Variants in ARHGEF7 observed in about 807,000 individuals in gnomAD.
ARHGEF7 encodes the protein PAK-interacting exchange factor beta.
A neutral mutation model predicts 109.8 loss-of-function variants in ARHGEF7; 33 were observed. The ratio of observed to expected loss-of-function variants is 0.30; its 90% CI spans 0.23 to 0.40. The LOEUF (loss-of-function observed/expected upper bound fraction) is 0.40, where lower values mean the gene tolerates loss of function less well. Among genes scored for constraint, ARHGEF7 ranks in the 10% least tolerant of loss-of-function variants. The pLI, the probability that ARHGEF7 is intolerant of heterozygous loss-of-function variation, is 1.00. For synonymous variants in ARHGEF7, 458 were observed against 424.6 expected, an observed-to-expected ratio of 1.08 and a Z score of -0.97; for missense variants, 938 against 1,098.5, an observed-to-expected ratio of 0.85 and a Z score of 2.07.
At position 111,283,369 on chromosome 13, in the gene ARHGEF7, G is replaced by A. The variant is rs776515686; in HGVS notation, c.1950+6G>A. Reference sequence around the variant, plus strand: ...CTGCTCTCTGCTACAAGGAGGTGAGGTCCCTTGACCACTCAAACAGCCAGA... The same window carrying A: ...CTGCTCTCTGCTACAAGGAGGTGAGATCCCTTGACCACTCAAACAGCCAGA... On this transcript the variant is annotated splice_donor_region_variant and intron_variant, in intron 16 of 21. Transcript: ENST00000646102. 6.5e-7 allele frequency: 1 copy of A among 1,540,964 alleles called. No individual in the cohort carries two copies. Among genetic ancestry groups the A allele is most frequent in the Non-Finnish European group, 8.7e-7 (1 of 1,147,388 alleles).
intron 2 of ARHGEF7, among the ~76,000 whole-genome samples, chr13:111,157,814 G>C (rs548995485): frequency 6.6e-6 from 1 of 152,294 alleles, no homozygotes; most frequent in South Asian, 2.1e-4. Flanking sequence ...GCACATGCTT[G>C]TTCACTGAAA....
At chr13:111,115,890 CCGGGGAGCGGGGT>C (rs945839741) in intron 1 of ARHGEF7, among the ~76,000 whole-genome samples, 199 bp downstream of exon 1, 48 of 137,704 alleles carry the variant, frequency 3.5e-4, no homozygotes, top group African/African-American at 1.2e-3. Flanking sequence ...GGGGAGGGGG[CCGGGGAGCGGGGT>C]CGGGGGGAGG....
chr13:111,130,254 T>C (rs1258983683), intron 1 of ARHGEF7, among the ~76,000 whole-genome samples: 2 of 152,208 alleles, frequency 1.3e-5, no homozygotes, highest in Non-Finnish European at 2.9e-5. Context: ...GCAGAGTCAT[T>C]ACCTTGCCTC....
intron 8 of ARHGEF7, among the ~76,000 whole-genome samples, chr13:111,263,577 G>T (rs1418834891): frequency 6.6e-6 from 1 of 152,208 alleles, no homozygotes; most frequent in Non-Finnish European, 1.5e-5. Flanking sequence ...CCCATTGTGG[G>T]TAGCACATAT....
At chr13:111,154,117 CGA>C in intron 2 of ARHGEF7, 126 bp downstream of exon 2, 1 of 1,022,110 alleles carries the variant, frequency 9.8e-7, no homozygotes, top group South Asian at 1.7e-5. Context: ...CCCGGCTGCT[CGA>C]GAGTCCGGGA....
chr13:111,188,642 G>C lies in ARHGEF7; in HGVS notation c.253-16647G>C, dbSNP rs1205909422. ...AGCCGTTAGCAGTTATGTGATTACT[G>C]TGTTTAGAATTTGAGAAGAAAGGGA... is the stretch of plus-strand genomic sequence containing the variant. On this transcript the variant is annotated intron_variant, in intron 2 of 21. Coordinates refer to ENST00000646102, the MANE Select transcript of ARHGEF7 (RefSeq NM_001354046.2). 2.0e-5 allele frequency among the ~76,000 whole-genome samples: 3 copies of C among 152,198 alleles called. No homozygotes were observed. The East Asian group carries it at 5.8e-4, about 29-fold the overall frequency.
intron 1 of ARHGEF7, among the ~76,000 whole-genome samples, chr13:111,139,974 A>G (rs1026827831): frequency 6.6e-6 from 1 of 152,240 alleles, no homozygotes; most frequent in African/African-American, 2.4e-5. Context: ...TACAGTGATC[A>G]TATTTCCAGG....
At chr13:111,267,024 T>G in intron 8 of ARHGEF7, 1 of 413,828 alleles carries the variant, frequency 2.4e-6, no homozygotes, top group Non-Finnish European at 4.9e-6. Context: ...CTCATTCTTT[T>G]TGTTCTCATG....
rs200461268 is a variant in ARHGEF7, at chr13:111,120,415, G to GCA, written c.165+4730_165+4731dup. On this transcript the variant is annotated intron_variant, in intron 1 of 21. Coordinates refer to ENST00000646102, the MANE Select transcript of ARHGEF7 (RefSeq NM_001354046.2). Reference sequence around the variant, plus strand: ...CATGCATGTGCACACACGAACTTATGCACACACGCATGCATGCCTGCACAA... The same window carrying GCA: ...CATGCATGTGCACACACGAACTTATGCACACACACGCATGCATGCCTGCACAA... 5.1e-3 allele frequency among the ~76,000 whole-genome samples: 779 copies of GCA among 152,282 alleles called. 4 individuals are homozygous for GCA. The highest frequency in any genetic ancestry group is 0.018 in the African/African-American group (732 of 41,560).
At chr13:111,130,230 C>A (rs576332561) in intron 1 of ARHGEF7, among the ~76,000 whole-genome samples, 2 of 152,258 alleles carry the variant, frequency 1.3e-5, no homozygotes, top group African/African-American at 4.8e-5. Context: ...CTCAAGGAGA[C>A]CTCTGCGTGA....
chr13:111,200,985 G>C lies in ARHGEF7; in HGVS notation c.253-4304G>C, dbSNP rs117142050. Among the ~76,000 whole-genome samples, 467 of 152,186 alleles carry C rather than the reference G, an allele frequency of 3.1e-3. 1 individual carries two copies. The highest frequency in any genetic ancestry group is 0.011 in the South Asian group (55 of 4,812). ...TTTTTTTCTTCTTTGGCTCGGGGGG[G>C]ATTTCCCTCAGTCTTAAATATTAAT... On this transcript the variant is annotated intron_variant, in intron 2 of 21. Transcript: ENST00000646102.
chr13:111,139,097 A>G (rs964776499), intron 1 of ARHGEF7, among the ~76,000 whole-genome samples: 1 of 152,188 alleles, frequency 6.6e-6, no homozygotes, highest in Non-Finnish European at 1.5e-5. Flanking sequence ...AAAGTATAGA[A>G]CTGAATAGAA....
chr13:111,221,522 T>A (rs1225220160), intron 5 of ARHGEF7, among the ~76,000 whole-genome samples: 44 of 35,942 alleles, frequency 1.2e-3, no homozygotes, highest in Non-Finnish European at 2.0e-3. Flanking sequence ...TAGATATATA[T>A]CTATATATAT....
At chr13:111,279,542 C>A (rs183924748) in intron 13 of ARHGEF7, among the ~76,000 whole-genome samples, 1 of 152,346 alleles carries the variant, frequency 6.6e-6, no homozygotes, top group East Asian at 1.9e-4. Context: ...GCAGCGCTGC[C>A]CAGACGCCCA....
intron 4 of ARHGEF7, among the ~76,000 whole-genome samples, chr13:111,215,152 G>A (rs1036097279): frequency 2.0e-5 from 3 of 152,170 alleles, no homozygotes; most frequent in African/African-American, 4.8e-5. Flanking sequence ...CATACAATGC[G>A]TCATAATCAT....
At chr13:111,299,322 C>T (rs2093501916) in intron 19 of ARHGEF7, among the ~76,000 whole-genome samples, 1 of 149,604 alleles carries the variant, frequency 6.7e-6, no homozygotes, top group African/African-American at 2.5e-5. Context: ...CAGTAAAATG[C>T]TGGTGAAGCC....
intron 9 of ARHGEF7, among the ~76,000 whole-genome samples, chr13:111,271,278 A>C (rs1251704586): frequency 1.3e-5 from 2 of 152,186 alleles, no homozygotes; most frequent in Non-Finnish European, 2.9e-5. Context: ...GGCGGGGGAC[A>C]GTGGCTGTAG....
At chr13:111,295,631 A>G (rs1434498073) in intron 19 of ARHGEF7, among the ~76,000 whole-genome samples, 1 of 152,264 alleles carries the variant, frequency 6.6e-6, no homozygotes, top group East Asian at 1.9e-4. Context: ...GGTGGCAGGT[A>G]TAGTGATAGG....
intron 6 of ARHGEF7, among the ~76,000 whole-genome samples, chr13:111,240,395 C>T (rs765579328): frequency 1.3e-5 from 2 of 152,148 alleles, no homozygotes; most frequent in Non-Finnish European, 2.9e-5. Flanking sequence ...ACTAACGTTC[C>T]GAGGTATTGG....
Sources: gnomAD v4.1 joint callset for allele counts (sites outside exome capture counted in the v4.1 genomes callset) on GRCh38, gnomAD v4.1.1 for gene constraint, MANE v1.5 for transcripts, NCBI Gene and HGNC (gene_info 2026-07-23, HGNC 2026-07-21) for gene names.